The following DCAF6 variants were observed in gnomAD, a reference collection of about 807,000 sequenced individuals.
DCAF6 encodes DDB1- and CUL4-associated factor 6.
Under a neutral mutation model 125.1 loss-of-function variants are expected in DCAF6, and 54 were observed. The observed-to-expected ratio is 0.43, with a 90% CI of 0.35 to 0.54. The LOEUF is 0.54. DCAF6 is among the 20% of genes least tolerant of loss of function. The pLI is 0.01. For missense variants in DCAF6, 934 were observed against 1,161.7 expected (o/e 0.80, Z 2.85); for synonymous variants, 371 against 390.4 (o/e 0.95, Z 0.58).
the DCAF6 span, among the ~76,000 whole-genome samples, chr1:167,916,227 TG>T: frequency 0.68 from 102,924 of 152,090 alleles, 35,876 homozygotes; most frequent in African/African-American, 0.86. Context: ...CTTTTTGAGA[TG>T]GGAGTTTTGC....
chr1:167,898,360 G>A, the DCAF6 span, among the ~76,000 whole-genome samples: 1 of 152,118 alleles, frequency 6.6e-6, no homozygotes, highest in African/African-American at 2.4e-5. Flanking sequence ...CAGCACTTTG[G>A]GAGGCTGAGG....
At chr1:167,925,442 C>CATATATATATATATAT in the DCAF6 span, among the ~76,000 whole-genome samples, 40 of 82,444 alleles carry the variant, frequency 4.9e-4, no homozygotes, top group Non-Finnish European at 7.6e-4. Context: ...TACATATACA[C>CATATATATATATATAT]ATATATATAT....
chr1:167,980,447 C>G (rs1362393653), intron 4 of DCAF6, among the ~76,000 whole-genome samples: 1 of 152,122 alleles, frequency 6.6e-6, no homozygotes, highest in Non-Finnish European at 1.5e-5. Context: ...CAGCTGTGTG[C>G]AAGGGTGCCA....
chr1:167,895,551 A>C, the DCAF6 span, among the ~76,000 whole-genome samples: 1 of 152,322 alleles, frequency 6.6e-6, no homozygotes, highest in East Asian at 1.9e-4. Flanking sequence ...TAAGTAGCTA[A>C]AGTTCAGATA....
At chr1:167,875,048 C>T in the DCAF6 span, 1 of 1,108,922 alleles carries the variant, frequency 9.0e-7, no homozygotes, top group Non-Finnish European at 1.4e-6. Context: ...ATTCATTAAG[C>T]TGCACAGTTA....
chr1:167,943,673 TC>T (rs1672609193), intron 1 of DCAF6, among the ~76,000 whole-genome samples: 1 of 152,190 alleles, frequency 6.6e-6, no homozygotes, highest in Non-Finnish European at 1.5e-5. Context: ...TCCCACCTCC[TC>T]ATTCTTCCAC....
At chr1:167,939,601 A>G (rs1402401603) in intron 1 of DCAF6, among the ~76,000 whole-genome samples, 1 of 152,116 alleles carries the variant, frequency 6.6e-6, no homozygotes, top group Non-Finnish European at 1.5e-5. Context: ...GGTCTTTACT[A>G]AAAATACAAA....
chr1:168,012,540 T>C (rs1684446459), intron 10 of DCAF6, among the ~76,000 whole-genome samples: 1 of 152,236 alleles, frequency 6.6e-6, no homozygotes, highest in Admixed American at 6.5e-5. Flanking sequence ...TTTATCTACA[T>C]TTATAAATTA....
intron 7 of DCAF6, among the ~76,000 whole-genome samples, chr1:168,001,689 A>G (rs975992196): frequency 6.6e-6 from 1 of 152,158 alleles, no homozygotes; most frequent in Non-Finnish European, 1.5e-5. Context: ...TGTGGCAAAG[A>G]GCCAAGAGAG....
At chr1:168,004,144 A>T (rs1660222110) in intron 9 of DCAF6, among the ~76,000 whole-genome samples, 155 bp downstream of exon 9, 1 of 152,174 alleles carries the variant, frequency 6.6e-6, no homozygotes, top group African/African-American at 2.4e-5. Flanking sequence ...AGAATAAAAG[A>T]TATTGGATAT....
chr1:167,930,673 C>CTTAATTT, the DCAF6 span, among the ~76,000 whole-genome samples: 1 of 152,314 alleles, frequency 6.6e-6, no homozygotes, highest in South Asian at 2.1e-4. Context: ...ATTTGTCTTA[C>CTTAATTT]ACTCAGGAGA....
chr1:167,963,312 A>G (rs1456695094), intron 2 of DCAF6, among the ~76,000 whole-genome samples: 1 of 151,904 alleles, frequency 6.6e-6, no homozygotes, highest in Non-Finnish European at 1.5e-5. Context: ...TTGACATTCA[A>G]AGGGATTACT....
the DCAF6 span, chr1:167,899,532 G>A: frequency 6.2e-7 from 1 of 1,614,172 alleles, no homozygotes. Context: ...CATGTTCTGG[G>A]CAAGGCGCAC....
chr1:167,904,002 T>C, the DCAF6 span: 1 of 1,597,560 alleles, frequency 6.3e-7, no homozygotes, highest in East Asian at 2.2e-5. Flanking sequence ...CTGGAATAAA[T>C]GTGCAGCTGG....
At chr1:167,876,607 C>T in the DCAF6 span, among the ~76,000 whole-genome samples, 1 of 152,186 alleles carries the variant, frequency 6.6e-6, no homozygotes, top group African/African-American at 2.4e-5. Flanking sequence ...CCTGTTCATA[C>T]TGTGTGTGTA....
intron 3 of DCAF6, among the ~76,000 whole-genome samples, chr1:167,968,685 G>A (rs556211969): frequency 2.6e-5 from 4 of 152,326 alleles, no homozygotes; most frequent in East Asian, 3.9e-4. Flanking sequence ...GAAGACCCTG[G>A]CACTGGAAAA....
the DCAF6 span, among the ~76,000 whole-genome samples, chr1:167,886,145 G>T: frequency 6.6e-6 from 1 of 152,072 alleles, no homozygotes; most frequent in African/African-American, 2.4e-5. Context: ...TAGATTCCAT[G>T]CCATCCCCAT....
chr1:167,992,290 G>A (rs954838226), intron 6 of DCAF6, among the ~76,000 whole-genome samples: 2 of 111,564 alleles, frequency 1.8e-5, no homozygotes, highest in East Asian at 2.4e-4. Flanking sequence ...CACAAACACC[G>A]AATGCACATT....
intron 11 of DCAF6, 69 bp downstream of exon 11, chr1:168,016,020 GT>G (rs1372846197): frequency 1.6e-6 from 2 of 1,263,794 alleles, no homozygotes; most frequent in Non-Finnish European, 2.0e-6. Context: ...GTGTAATAAG[GT>G]GCTTCCCTTT....
Sources: gnomAD v4.1 joint callset for allele counts (sites outside exome capture counted in the v4.1 genomes callset) on GRCh38, gnomAD v4.1.1 for gene constraint, MANE v1.5 for transcripts, NCBI Gene and HGNC (gene_info 2026-07-23, HGNC 2026-07-21) for gene names.